Variants in F13A1 observed in about 807,000 individuals in gnomAD.
F13A1 encodes the protein FSF, A subunit.
A neutral mutation model predicts 80.1 loss-of-function variants in F13A1; 47 were observed. The ratio of observed to expected loss-of-function variants is 0.59; its 90% CI spans 0.46 to 0.75. The LOEUF (loss-of-function observed/expected upper bound fraction) is 0.75, where lower values mean the gene tolerates loss of function less well. Among genes scored for constraint, F13A1 ranks in the 30% least tolerant of loss-of-function variants. The probability of loss-of-function intolerance (pLI) is 0.00; values close to 1 mark genes in which losing one functional copy is unlikely to be tolerated. For synonymous variants in F13A1, 349 were observed against 344.9 expected, an observed-to-expected ratio of 1.01 and a Z score of -0.13; for missense variants, 817 against 930.4, an observed-to-expected ratio of 0.88 and a Z score of 1.59.
intron 3 of F13A1, among the ~76,000 whole-genome samples, chr6:6,271,741 T>C (rs965887755): frequency 1.3e-5 from 2 of 152,210 alleles, no homozygotes; most frequent in South Asian, 4.1e-4. Context: ...TAACATATGC[T>C]CTTAGTTTCA....
chr6:6,211,216 CA>C (rs1216938462), intron 8 of F13A1, among the ~76,000 whole-genome samples: 1 of 151,306 alleles, frequency 6.6e-6, no homozygotes, highest in South Asian at 2.1e-4. Flanking sequence ...CAGGGCATTG[CA>C]AAAAAAAGTA....
intron 8 of F13A1, among the ~76,000 whole-genome samples, chr6:6,207,243 A>G (rs1475032415): frequency 6.6e-6 from 1 of 152,124 alleles, no homozygotes; most frequent in African/African-American, 2.4e-5. Context: ...AGGAGAGAAA[A>G]TGAGTTTTGA....
intron 10 of F13A1, among the ~76,000 whole-genome samples, chr6:6,192,686 C>G (rs1379961250): frequency 6.6e-6 from 1 of 152,098 alleles, no homozygotes; most frequent in Non-Finnish European, 1.5e-5. Context: ...AACTGCTGGC[C>G]CACAGCAGAG....
intron 13 of F13A1, among the ~76,000 whole-genome samples, chr6:6,152,834 GT>G (rs1367472786): frequency 2.6e-5 from 4 of 152,148 alleles, no homozygotes; most frequent in African/African-American, 9.7e-5. Flanking sequence ...TATAAGACTT[GT>G]TTGTTTGTTT....
intron 3 of F13A1, among the ~76,000 whole-genome samples, chr6:6,289,856 G>A (rs1275710072): frequency 6.6e-6 from 1 of 151,486 alleles, no homozygotes; most frequent in Non-Finnish European, 1.5e-5. Flanking sequence ...CATTCCCCTG[G>A]GTCAATTTCT....
chr6:6,220,177 T>A (rs918604598), intron 8 of F13A1, among the ~76,000 whole-genome samples: 1 of 152,114 alleles, frequency 6.6e-6, no homozygotes, highest in African/African-American at 2.4e-5. Context: ...TGATCAGGCA[T>A]CATGCGTTGA....
At chr6:6,185,806 C>T in intron 10 of F13A1, among the ~76,000 whole-genome samples, 1 of 152,228 alleles carries the variant, frequency 6.6e-6, no homozygotes, top group East Asian at 1.9e-4. Flanking sequence ...CACTGACTTC[C>T]ACAATGGTTG....
intron 13 of F13A1, among the ~76,000 whole-genome samples, chr6:6,166,239 G>T (rs1000480620): frequency 6.6e-6 from 1 of 152,214 alleles, no homozygotes; most frequent in Non-Finnish European, 1.5e-5. Context: ...GGGGTTGTTG[G>T]TGGTTGAAAA....
intron 8 of F13A1, among the ~76,000 whole-genome samples, chr6:6,212,837 A>G (rs1761643421): frequency 6.6e-6 from 1 of 152,184 alleles, no homozygotes; most frequent in South Asian, 2.1e-4. Flanking sequence ...TGCTTAAAGG[A>G]GCTGATGGAG....
chr6:6,217,895 C>T (rs537488407), intron 8 of F13A1, among the ~76,000 whole-genome samples: 1 of 152,278 alleles, frequency 6.6e-6, no homozygotes, highest in East Asian at 1.9e-4. Context: ...TTAAGACCAC[C>T]CATTGCAGCA....
intron 3 of F13A1, among the ~76,000 whole-genome samples, chr6:6,298,813 C>T (rs547321976): frequency 5.7e-4 from 83 of 145,314 alleles, no homozygotes; most frequent in African/African-American, 1.6e-3. Flanking sequence ...GGTGATTTTG[C>T]TCATTAGTTG....
intron 10 of F13A1, among the ~76,000 whole-genome samples, chr6:6,192,305 T>C (rs1761215255): frequency 6.6e-6 from 1 of 152,108 alleles, no homozygotes; most frequent in African/African-American, 2.4e-5. Context: ...ATTCTCTTGC[T>C]CTGTGGGGAA....
In F13A1 at chr6:6,202,500, C is replaced by A. The variant is rs113533779; in HGVS notation, c.1113-5174G>T. On this transcript the variant is annotated intron_variant, in intron 8 of 14. Coordinates refer to ENST00000264870, the MANE Select transcript of F13A1 (RefSeq NM_000129.4). ...ATCTAGCAAGGAAGTTCTTATTAAA[C>A]CTTTGCTTGTTTGTTTCTCTTTAAG... Among the ~76,000 whole-genome samples, 1,223 of 152,282 alleles carry A rather than the reference C, an allele frequency of 8.0e-3. 10 individuals are homozygous for A. The highest frequency in any genetic ancestry group is 0.028 in the African/African-American group (1,159 of 41,564).
At chr6:6,269,996 GCCACTGCGCCCAGCCTAC>G (rs1444965294) in intron 3 of F13A1, among the ~76,000 whole-genome samples, 1 of 152,202 alleles carries the variant, frequency 6.6e-6, no homozygotes, top group East Asian at 1.9e-4. Context: ...ACAGGCATGA[GCCACTGCGCCCAGCCTAC>G]CTACTGTTTA....
At chr6:6,275,641 T>A (rs531243400) in intron 3 of F13A1, among the ~76,000 whole-genome samples, 1 of 152,308 alleles carries the variant, frequency 6.6e-6, no homozygotes, top group African/African-American at 2.4e-5. Flanking sequence ...TGTGCTGGGA[T>A]TACAGGCGTG....
intron 10 of F13A1, among the ~76,000 whole-genome samples, chr6:6,193,505 T>A (rs1561650048): frequency 6.6e-6 from 1 of 152,172 alleles, no homozygotes; most frequent in South Asian, 2.1e-4. Flanking sequence ...ACACTTTTCA[T>A]CAACTCAAAC....
At chr6:6,253,969 G>C (rs779014193) in intron 4 of F13A1, among the ~76,000 whole-genome samples, 1 of 152,086 alleles carries the variant, frequency 6.6e-6, no homozygotes, top group African/African-American at 2.4e-5. Flanking sequence ...TCTCCCTGAC[G>C]ATCTTTATTT....
intron 6 of F13A1, among the ~76,000 whole-genome samples, chr6:6,246,628 G>A (rs997036597): frequency 3.3e-5 from 5 of 152,086 alleles, no homozygotes; most frequent in Non-Finnish European, 5.9e-5. Context: ...AAAATCTCAG[G>A]GCAATTTGCA....
chr6:6,246,392 T>G (rs964238699), intron 6 of F13A1, among the ~76,000 whole-genome samples: 1 of 152,196 alleles, frequency 6.6e-6, no homozygotes, highest in African/African-American at 2.4e-5. Flanking sequence ...AAAGTGTTTT[T>G]GAAAACCATT....
Sources: allele counts gnomAD v4.1 joint callset (sites outside exome capture counted in the v4.1 genomes callset), GRCh38; gene constraint gnomAD v4.1.1; transcripts MANE v1.5; gene names NCBI Gene and HGNC (gene_info 2026-07-23, HGNC 2026-07-21).